The following GLMN variants were observed in gnomAD, a reference collection of about 807,000 sequenced individuals.
GLMN encodes the protein glomulin.
Under a neutral mutation model 87.8 loss-of-function variants are expected in GLMN, and 75 were observed. The observed-to-expected ratio is 0.85, with a 90% CI of 0.71 to 1.04. The LOEUF (loss-of-function observed/expected upper bound fraction) is 1.04, where lower values mean the gene tolerates loss of function less well. Ranked by LOEUF, GLMN falls within the 50% of genes least tolerant of loss-of-function variation. The probability of loss-of-function intolerance (pLI) is 0.00; values close to 1 mark genes in which losing one functional copy is unlikely to be tolerated. For missense variants in GLMN, 588 were observed against 658.8 expected, an observed-to-expected ratio of 0.89 and a Z score of 1.18; for synonymous variants, 206 against 221.6, an observed-to-expected ratio of 0.93 and a Z score of 0.63.
the GLMN span, among the ~76,000 whole-genome samples, chr1:92,324,565 G>A: frequency 1.3e-3 from 205 of 152,290 alleles, no homozygotes; most frequent in African/African-American, 4.5e-3. Flanking sequence ...ATAAGTTGAC[G>A]TTTACCCCTA....
the GLMN span, among the ~76,000 whole-genome samples, chr1:92,320,341 C>T: frequency 2.0e-5 from 3 of 152,014 alleles, no homozygotes; most frequent in African/African-American, 7.2e-5. Flanking sequence ...GGCGCAATCT[C>T]GGCTCACTGC....
chr1:92,354,606 A>G, the GLMN span, among the ~76,000 whole-genome samples: 1 of 152,222 alleles, frequency 6.6e-6, no homozygotes, highest in Admixed American at 6.5e-5. Context: ...TTAAATGCAA[A>G]CATTAACAGG....
the GLMN span, among the ~76,000 whole-genome samples, chr1:92,312,920 C>G: frequency 1.3e-5 from 2 of 151,924 alleles, no homozygotes; most frequent in Non-Finnish European, 2.9e-5. Context: ...CTCCTCAGTT[C>G]AGTGGCGAAA....
At chr1:92,323,740 T>C in the GLMN span, 3 of 1,614,118 alleles carry the variant, frequency 1.9e-6, no homozygotes, top group Non-Finnish European at 2.5e-6. Flanking sequence ...CACTGAGCAG[T>C]TAGGCGATTG....
intron 3 of GLMN, among the ~76,000 whole-genome samples, chr1:92,295,258 A>G (rs1649902451): frequency 6.6e-6 from 1 of 150,958 alleles, no homozygotes; most frequent in African/African-American, 2.4e-5. Flanking sequence ...AAATTCTTCA[A>G]GATGGGATCT....
At chr1:92,304,204 T>C in the GLMN span, 1 of 1,130,998 alleles carries the variant, frequency 8.8e-7, no homozygotes, top group Non-Finnish European at 1.3e-6. Flanking sequence ...TGATATGATA[T>C]GTAGATGACT....
chr1:92,265,335 A>AAAC (rs1655497306), intron 13 of GLMN, among the ~76,000 whole-genome samples: 1 of 151,202 alleles, frequency 6.6e-6, no homozygotes, highest in Non-Finnish European at 1.5e-5. Flanking sequence ...AAAAAAAAAA[A>AAAC]AAAACTAGAT....
chr1:92,307,765 A>C, the GLMN span, among the ~76,000 whole-genome samples: 7 of 151,688 alleles, frequency 4.6e-5, no homozygotes, highest in Non-Finnish European at 7.4e-5. Flanking sequence ...GCAATGCTGG[A>C]GTTTAGCCTC....
chr1:92,352,024 G>A, the GLMN span, among the ~76,000 whole-genome samples: 1 of 152,202 alleles, frequency 6.6e-6, no homozygotes, highest in South Asian at 2.1e-4. Context: ...ACTCAGAAAG[G>A]ATAGAGGATA....
chr1:92,263,681 C>T lies in GLMN; in HGVS notation c.1351G>A (p.Asp451Asn). 1.2e-6 allele frequency: 2 copies of T among 1,606,068 alleles called. No individual in the cohort carries two copies. Among genetic ancestry groups the T allele is most frequent in the Non-Finnish European group, 1.7e-6 (2 of 1,172,658 alleles). Reference sequence around the variant, plus strand: ...CCCTCTGGGAGAAAAAGTACCAAATCAAGAAGGGAAATCAACTGTGGTCCT... The same window carrying T: ...CCCTCTGGGAGAAAAAGTACCAAATTAAGAAGGGAAATCAACTGTGGTCCT... ...FTGPQLISLL[D>N]LVLFLPEGAE... Residue 451 changes from aspartate (D) to asparagine (N), a missense_variant, in exon 15 of 19, where the codon GAT becomes AAT. Asp to Asn is a conservative substitution (Grantham distance 23). Coordinates refer to ENST00000370360, the MANE Select transcript of GLMN (RefSeq NM_053274.3).
At chr1:92,316,101 A>G in the GLMN span, among the ~76,000 whole-genome samples, 1 of 152,232 alleles carries the variant, frequency 6.6e-6, no homozygotes. Flanking sequence ...GTAATCTAAA[A>G]TCTTAAATCT....
At chr1:92,328,222 T>C in the GLMN span, among the ~76,000 whole-genome samples, 1 of 151,336 alleles carries the variant, frequency 6.6e-6, no homozygotes, top group African/African-American at 2.4e-5. Context: ...CTGGAGAAGT[T>C]TTCCTTGATT....
At chr1:92,271,754 A>C in intron 7 of GLMN, 102 bp from the exon 8 acceptor site, 1 of 807,668 alleles carries the variant, frequency 1.2e-6, no homozygotes, top group Non-Finnish European at 2.1e-6. Context: ...AGGTGTAATC[A>C]CTCCCTTTGA....
chr1:92,290,073 GT>G, intron 5 of GLMN, 124 bp downstream of exon 5: 1 of 700,850 alleles, frequency 1.4e-6, no homozygotes, highest in Middle Eastern at 3.1e-4. Flanking sequence ...GCTATTATTG[GT>G]TTAAGCAGAG....
intron 15 of GLMN, 29 bp from the exon 16 acceptor site, chr1:92,262,955 A>T: frequency 1.1e-6 from 1 of 887,988 alleles, no homozygotes; most frequent in Non-Finnish European, 1.9e-6. Flanking sequence ...TGTTACTTAC[A>T]GTATGGTTTT....
chr1:92,259,174 C>T (rs1654666660), intron 16 of GLMN, among the ~76,000 whole-genome samples: 1 of 151,870 alleles, frequency 6.6e-6, no homozygotes, highest in African/African-American at 2.4e-5. Context: ...GTACACAGGA[C>T]AGAAGGTAAG....
intron 16 of GLMN, among the ~76,000 whole-genome samples, chr1:92,249,180 T>TA (rs755768086): frequency 4.9e-4 from 74 of 150,672 alleles, no homozygotes; most frequent in Non-Finnish European, 1.0e-3. Context: ...ATTTTCTTTT[T>TA]AAAAAAGAAA....
the GLMN span, among the ~76,000 whole-genome samples, chr1:92,356,496 G>A: frequency 6.1e-3 from 917 of 151,492 alleles, 8 homozygotes; most frequent in South Asian, 0.014. Flanking sequence ...TTGGCTTACT[G>A]CAACCTCCGC....
At chr1:92,295,592 C>T (rs1053452338) in intron 3 of GLMN, among the ~76,000 whole-genome samples, 1 of 151,888 alleles carries the variant, frequency 6.6e-6, no homozygotes, top group African/African-American at 2.4e-5. Flanking sequence ...TTTTTGATGC[C>T]TCTCCCTCTC....
Sources: gnomAD v4.1 joint callset for allele counts (sites outside exome capture counted in the v4.1 genomes callset) on GRCh38, gnomAD v4.1.1 for gene constraint, MANE v1.5 for transcripts, NCBI Gene and HGNC (gene_info 2026-07-23, HGNC 2026-07-21) for gene names.